The following ZSWIM5 variants were observed in gnomAD, a reference collection of about 807,000 sequenced individuals.
ZSWIM5 encodes zinc finger SWIM domain-containing protein 5.
Under a neutral mutation model 119.6 loss-of-function variants are expected in ZSWIM5, and 55 were observed. The ratio of observed to expected loss-of-function variants is 0.46; its 90% CI spans 0.37 to 0.58. The LOEUF is 0.58. ZSWIM5 is among the 20% of genes least tolerant of loss of function. The pLI is 0.00. For synonymous variants in ZSWIM5, 537 were observed against 606.9 expected (o/e 0.88, Z 1.69); for missense variants, 1,193 against 1,512.8 (o/e 0.79, Z 3.51).
intron 2 of ZSWIM5, 55 bp from the exon 3 acceptor site, chr1:45,060,302 C>A: frequency 6.3e-7 from 1 of 1,578,874 alleles, no homozygotes; most frequent in Admixed American, 1.8e-5. Flanking sequence ...GCTACACATT[C>A]AGCTGGAGGG....
Position 45,050,935 on chromosome 1 carries a change from G to C in ZSWIM5, c.1432+139C>G, listed in dbSNP as rs956970363. The C allele has an allele frequency of 2.5e-5, 21 of 828,442 alleles. No homozygotes were observed. The African/African-American group carries it at 3.3e-4, about 13-fold the overall frequency. The allele number at this position is 828,442 out of a possible 1,614,324, so 51.3% of individuals were successfully genotyped here. On this transcript the variant is annotated intron_variant, in intron 5 of 13. Transcript: ENST00000359600. The stretch of plus-strand genomic sequence containing the variant: ...TACTTAAGGTTCGGCATTTCAAGAT[G>C]AATAAAAACACAGGCTTTTCTTATT...
chr1:45,200,835 C>T (rs553054457), intron 1 of ZSWIM5, among the ~76,000 whole-genome samples: 15 of 152,222 alleles, frequency 9.9e-5, no homozygotes, highest in South Asian at 8.3e-4. Context: ...TCACATGAAA[C>T]TCAGATATGC....
chr1:45,068,792 C>CTTTTTTTT (rs758235271), intron 2 of ZSWIM5, among the ~76,000 whole-genome samples: 1 of 46,730 alleles, frequency 2.1e-5, no homozygotes, highest in African/African-American at 8.6e-5. Flanking sequence ...TGTTGTATGT[C>CTTTTTTTT]TTTTTTTTTT....
intron 1 of ZSWIM5, among the ~76,000 whole-genome samples, chr1:45,155,622 C>T (rs980609116): frequency 1.3e-5 from 2 of 152,122 alleles, no homozygotes; most frequent in African/African-American, 4.8e-5. Context: ...AAATGTGGAA[C>T]CAGCCCAAAT....
chr1:45,020,205 C>A, intron 12 of ZSWIM5, 58 bp from the exon 13 acceptor site: 1 of 1,383,668 alleles, frequency 7.2e-7, no homozygotes, highest in Admixed American at 1.7e-5. Flanking sequence ...ACCTCTCCCT[C>A]CCCTTGCATT....
At position 45,087,911 on chromosome 1, in the gene ZSWIM5, A is replaced by G; in HGVS notation, c.922T>C (p.Ser308Pro). ...TAQKLADEIL[S>P]SNSEINQVNG... ...ACTTGGTTGATTTCTGAGTTGGAGGATAGAATCTCATCTGCCAGTTTCTGT... is the reference window on the plus strand; with the variant it reads ...ACTTGGTTGATTTCTGAGTTGGAGGGTAGAATCTCATCTGCCAGTTTCTGT... Residue 308 changes from serine to proline, a missense_variant, in exon 2 of 14, where the codon TCC becomes CCC. Physicochemically the swap from Ser to Pro is moderately conservative, Grantham distance 74. This residue lies in a region of ZSWIM5 where 961 missense variants were observed against 1,290.0 expected (regional missense o/e 0.74). Coordinates refer to ENST00000359600, the MANE Select transcript of ZSWIM5 (RefSeq NM_020883.2). 6.2e-7 allele frequency: 1 copy of G among 1,611,830 alleles called. No individual in the cohort carries two copies.
chr1:45,099,896 C>G (rs956784576), intron 1 of ZSWIM5, among the ~76,000 whole-genome samples: 30 of 152,168 alleles, frequency 2.0e-4, no homozygotes, highest in African/African-American at 5.8e-4. Context: ...TGTAACGTAT[C>G]TCAAAATAAT....
intron 2 of ZSWIM5, among the ~76,000 whole-genome samples, chr1:45,063,855 G>T (rs1373017494): frequency 3.9e-5 from 6 of 152,092 alleles, no homozygotes; most frequent in Admixed American, 1.3e-4. Flanking sequence ...GGTGGTGGGT[G>T]CATGTAGTCC....
chr1:45,019,217 G>A lies in ZSWIM5; in HGVS notation c.2795C>T (p.Thr932Ile). Reference sequence around the variant, plus strand: ...ATAGTCAAGACTGAGGCGCAGGATAGTGGTGTGGGATACGGCTGTGGCAGC... The same window carrying A: ...ATAGTCAAGACTGAGGCGCAGGATAATGGTGTGGGATACGGCTGTGGCAGC... The part of the protein sequence containing the change: ...IVAATAVSHT[T>I]ILRLSLDYPQ... Residue 932 changes from threonine to isoleucine, a missense_variant, in exon 14 of 14, where the codon ACT (threonine) becomes ATT (isoleucine). Thr to Ile is a moderately conservative substitution (Grantham distance 89). Coordinates refer to ENST00000359600, the MANE Select transcript of ZSWIM5 (RefSeq NM_020883.2). The surrounding 1 kb of genome is among the most constrained non-coding windows in gnomAD (Gnocchi z 5.0). 5.0e-6 allele frequency: 8 copies of A among 1,613,734 alleles called. No homozygotes were observed. Among genetic ancestry groups the A allele is most frequent in the Non-Finnish European group, 6.8e-6 (8 of 1,180,036 alleles).
At chr1:45,089,791 A>G (rs1645353232) in intron 1 of ZSWIM5, among the ~76,000 whole-genome samples, 1 of 152,138 alleles carries the variant, frequency 6.6e-6, no homozygotes, top group South Asian at 2.1e-4. Flanking sequence ...TGGGCAACAC[A>G]GTGAGACCCT....
chr1:45,045,433 T>C (rs764653998), intron 5 of ZSWIM5, among the ~76,000 whole-genome samples: 12 of 152,194 alleles, frequency 7.9e-5, no homozygotes, highest in Admixed American at 2.0e-4. Context: ...GAACTTAACA[T>C]ATTCAACCAT....
intron 11 of ZSWIM5, among the ~76,000 whole-genome samples, chr1:45,023,237 T>A (rs549073991): frequency 1.3e-5 from 2 of 152,346 alleles, no homozygotes; most frequent in Admixed American, 1.3e-4. Context: ...TATCTGTTCA[T>A]CTCTTTCTCC....
At chr1:45,094,722 G>A (rs553353580) in intron 1 of ZSWIM5, among the ~76,000 whole-genome samples, 1 of 152,142 alleles carries the variant, frequency 6.6e-6, no homozygotes, top group African/African-American at 2.4e-5. Context: ...AATTAGCCAG[G>A]CGTGGTGGTG....
intron 1 of ZSWIM5, among the ~76,000 whole-genome samples, chr1:45,139,275 G>C (rs1267078785): frequency 1.3e-5 from 2 of 151,870 alleles, no homozygotes; most frequent in Non-Finnish European, 2.9e-5. Context: ...TTGACCTCTG[G>C]GCTCAAGTGA....
chr1:45,021,692 T>C (rs12086670), intron 11 of ZSWIM5, among the ~76,000 whole-genome samples: 9,924 of 152,134 alleles, frequency 0.065, 1,081 homozygotes, highest in African/African-American at 0.23. Flanking sequence ...ATAAAACACA[T>C]TGGGGACCGA....
Position 45,205,994 on chromosome 1 carries a change from GC to G in ZSWIM5, c.356del (p.Gly119AlafsTer84). On this transcript the variant is annotated frameshift_variant, in exon 1 of 14. Coordinates refer to ENST00000359600, the MANE Select transcript of ZSWIM5 (RefSeq NM_020883.2). LOFTEE classifies it high-confidence loss of function. ...ICMYSSFQYR[G>X]GPGAGAAGGA... The stretch of plus-strand genomic sequence containing the variant: ...CGCCAGCAGCGCCGGCGCCGGGGCC[GC>G]CCCGGTACTGGAAGCTGGAGTACAT... The G allele has an allele frequency of 6.7e-7, 1 of 1,495,832 alleles. No individual in the cohort carries two copies. The highest frequency in any genetic ancestry group is 8.9e-7 in the Non-Finnish European group (1 of 1,120,718). The allele number at this position is 1,495,832 out of a possible 1,614,324, so 92.7% of individuals were successfully genotyped here.
intron 2 of ZSWIM5, among the ~76,000 whole-genome samples, chr1:45,081,973 T>G (rs1282718449): frequency 6.6e-6 from 1 of 152,122 alleles, no homozygotes; most frequent in Non-Finnish European, 1.5e-5. Context: ...TTTCATTTTG[T>G]TCTGTACTAA....
At chr1:45,151,122 G>A (rs961577649) in intron 1 of ZSWIM5, among the ~76,000 whole-genome samples, 6 of 152,054 alleles carry the variant, frequency 3.9e-5, no homozygotes, top group African/African-American at 1.4e-4. Context: ...TGGACAATGA[G>A]ACAAATTCTC....
intron 1 of ZSWIM5, among the ~76,000 whole-genome samples, chr1:45,143,008 C>CAAAA (rs754052253): frequency 8.7e-6 from 1 of 114,324 alleles, no homozygotes; most frequent in African/African-American, 3.2e-5. Context: ...CTGTCTCTAC[C>CAAAA]AAAAAAAAAA....
Sources: allele counts gnomAD v4.1 joint callset (sites outside exome capture counted in the v4.1 genomes callset), GRCh38; gene constraint gnomAD v4.1.1; regional missense constraint gnomAD v4.1.1; non-coding constraint Gnocchi (gnomAD v3.1); transcripts MANE v1.5; gene names NCBI Gene and HGNC (gene_info 2026-07-23, HGNC 2026-07-21).